CADM2: variants seen among roughly 807,000 people sequenced by gnomAD.
The protein encoded by CADM2 is immunoglobulin superfamily member 4D.
In CADM2, 12 loss-of-function variants were observed where a neutral mutation model predicts 49.8. The observed-to-expected ratio is 0.24, with a 90% CI of 0.15 to 0.39. The LOEUF (loss-of-function observed/expected upper bound fraction) is 0.39. CADM2 is among the 10% of genes least tolerant of loss of function. CADM2 has a pLI of 1.00. For synonymous variants in CADM2, 214 were observed against 175.4 expected (o/e 1.22, Z -1.74); for missense variants, 378 against 492.3 (o/e 0.77, Z 2.20).
intron 6 of CADM2, among the ~76,000 whole-genome samples, chr3:85,918,757 C>A (rs1218174471): frequency 6.6e-6 from 1 of 152,056 alleles, no homozygotes; most frequent in Non-Finnish European, 1.5e-5. Context: ...CACAACTGAG[C>A]AGTGGGAAAA....
At chr3:85,212,810 TTCTCTTTCTTTC>T (rs2041809765) in intron 1 of CADM2, among the ~76,000 whole-genome samples, 2 of 102,306 alleles carry the variant, frequency 2.0e-5, no homozygotes, top group South Asian at 6.4e-4. Flanking sequence ...CTTCTTTTTC[TTCTCTTTCTTTC>T]TTTCTTTCTT....
chr3:85,430,155 G>A (rs1403831435), intron 1 of CADM2, among the ~76,000 whole-genome samples: 1 of 152,132 alleles, frequency 6.6e-6, no homozygotes, highest in Non-Finnish European at 1.5e-5. Context: ...GCATGTGCAA[G>A]GGCATGGAAT....
At chr3:85,267,867 T>G (rs368276486) in intron 1 of CADM2, among the ~76,000 whole-genome samples, 22 of 151,670 alleles carry the variant, frequency 1.5e-4, no homozygotes, top group African/African-American at 5.1e-4. Flanking sequence ...TTAAATGTCC[T>G]AATTCTTATT....
chr3:86,038,621 T>C lies in CADM2; in HGVS notation c.971-26984T>C, dbSNP rs150837283. Among the ~76,000 whole-genome samples the C allele has an allele frequency of 3.0e-3, 459 of 152,314 alleles. 3 individuals carry two copies. Among genetic ancestry groups the C allele is most frequent in the African/African-American group, 9.9e-3 (413 of 41,568 alleles). Reference sequence around the variant, plus strand: ...TCCAAACCATCTTCTCAATAATAAATTACTTATAATTCTACATTCTATTAC... The same window carrying C: ...TCCAAACCATCTTCTCAATAATAAACTACTTATAATTCTACATTCTATTAC... On this transcript the variant is annotated intron_variant, in intron 8 of 9. Coordinates refer to ENST00000383699, the MANE Select transcript of CADM2 (RefSeq NM_001167675.2).
intron 1 of CADM2, among the ~76,000 whole-genome samples, chr3:85,709,051 C>T (rs951107201): frequency 6.6e-6 from 1 of 151,770 alleles, no homozygotes; most frequent in African/African-American, 2.4e-5. Context: ...TCAGTGAGAA[C>T]TAGGAAATTA....
intron 1 of CADM2, among the ~76,000 whole-genome samples, chr3:85,020,792 G>T (rs1267903283): frequency 6.6e-6 from 1 of 151,824 alleles, no homozygotes; most frequent in African/African-American, 2.4e-5. Context: ...GGGGGTGTGT[G>T]TGTGTGTGTG....
chr3:85,106,233 T>C (rs2038220661), intron 1 of CADM2, among the ~76,000 whole-genome samples: 1 of 152,144 alleles, frequency 6.6e-6, no homozygotes, highest in Non-Finnish European at 1.5e-5. Context: ...GAAGGTTGCA[T>C]TGATACGACA....
Position 86,072,397 on chromosome 3 carries a change from A to G in CADM2, c.*5614A>G, listed in dbSNP as rs1194714381. On this transcript the variant is annotated 3_prime_UTR_variant, in exon 10 of 10. Transcript: ENST00000383699. ...GAATGGGCCCAAATGTGAAAAAGAT[A>G]TAAAAAAAACAAAAAAAACAAAAAA... The G allele has an allele frequency of 6.6e-6, 1 of 150,458 alleles. No homozygotes were observed. The highest frequency in any genetic ancestry group is 1.5e-5 in the Non-Finnish European group (1 of 67,858). The allele number at this position is 150,458 out of a possible 1,614,324, so 9.3% of individuals were successfully genotyped here.
intron 1 of CADM2, among the ~76,000 whole-genome samples, chr3:85,433,274 T>A (rs942386726): frequency 4.6e-5 from 7 of 152,132 alleles, no homozygotes; most frequent in Non-Finnish European, 1.0e-4. Context: ...CCTGCATAAA[T>A]TGTTTTCCCA....
At chr3:85,620,568 T>G (rs1360786847) in intron 1 of CADM2, among the ~76,000 whole-genome samples, 1 of 152,108 alleles carries the variant, frequency 6.6e-6, no homozygotes, top group African/African-American at 2.4e-5. Context: ...TTGTAAATAC[T>G]GATTCTTTAT....
chr3:85,489,664 A>G (rs1001618599), intron 1 of CADM2, among the ~76,000 whole-genome samples: 6 of 151,184 alleles, frequency 4.0e-5, no homozygotes, highest in African/African-American at 1.5e-4. Context: ...AATAAAAGAA[A>G]AAAAATCAAA....
intron 1 of CADM2, among the ~76,000 whole-genome samples, chr3:85,006,922 ATTCGTGCATTGATT>A (rs1199152570): frequency 1.7e-4 from 26 of 152,116 alleles, no homozygotes; most frequent in African/African-American, 6.0e-4. Flanking sequence ...ACCATTATAC[ATTCGTGCATTGATT>A]ATCCCTTAGG....
chr3:85,035,293 T>C (rs2035166481), intron 1 of CADM2, among the ~76,000 whole-genome samples: 1 of 152,232 alleles, frequency 6.6e-6, no homozygotes, highest in African/African-American at 2.4e-5. Context: ...ACAGCGTTGT[T>C]TGAGCTCTTT....
chr3:85,431,679 A>T (rs900278034), intron 1 of CADM2, among the ~76,000 whole-genome samples: 7 of 151,420 alleles, frequency 4.6e-5, no homozygotes, highest in African/African-American at 1.5e-4. Flanking sequence ...GTTACTGATG[A>T]TGATAATTTA....
chr3:84,998,439 G>T (rs1420662763), intron 1 of CADM2, among the ~76,000 whole-genome samples: 1 of 152,104 alleles, frequency 6.6e-6, no homozygotes, highest in Non-Finnish European at 1.5e-5. Flanking sequence ...CCCTTTTAAT[G>T]CCTGAAGTAC....
At chr3:86,063,133 T>C (rs912179055) in intron 8 of CADM2, among the ~76,000 whole-genome samples, 3 of 152,034 alleles carry the variant, frequency 2.0e-5, no homozygotes, top group Non-Finnish European at 4.4e-5. Flanking sequence ...CCACATCCCA[T>C]CTAAAGAAAC....
chr3:85,436,625 T>C (rs1469794664), intron 1 of CADM2, among the ~76,000 whole-genome samples: 1 of 152,190 alleles, frequency 6.6e-6, no homozygotes, highest in East Asian at 1.9e-4. Flanking sequence ...ACTTTTATGT[T>C]AAAATAAACC....
At chr3:85,103,953 T>C (rs975239066) in intron 1 of CADM2, among the ~76,000 whole-genome samples, 1 of 152,160 alleles carries the variant, frequency 6.6e-6, no homozygotes, top group Admixed American at 6.6e-5. Flanking sequence ...ATTGTTTTGA[T>C]AAGAGAAATA....
intron 3 of CADM2, among the ~76,000 whole-genome samples, chr3:85,820,501 T>A (rs1169492219): frequency 1.3e-5 from 2 of 152,000 alleles, no homozygotes; most frequent in Non-Finnish European, 2.9e-5. Flanking sequence ...GTAGAGCAAA[T>A]AGGACCAGCT....
Sources: allele counts gnomAD v4.1 joint callset (sites outside exome capture counted in the v4.1 genomes callset), GRCh38; gene constraint gnomAD v4.1.1; transcripts MANE v1.5; gene names NCBI Gene and HGNC (gene_info 2026-07-23, HGNC 2026-07-21).